ALDH1A2: variants seen among roughly 807,000 people sequenced by gnomAD.
The protein encoded by ALDH1A2 is aldehyde dehydrogenase 1 family member A2.
A neutral mutation model predicts 60.3 loss-of-function variants in ALDH1A2; 27 were observed. The observed-to-expected ratio is 0.45, with a 90% confidence interval of 0.33 to 0.62. ALDH1A2 has a LOEUF of 0.62. ALDH1A2 is among the 20% of genes least tolerant of loss of function. ALDH1A2 has a pLI of 0.02. For synonymous variants in ALDH1A2, 289 were observed against 232.4 expected, an observed-to-expected ratio of 1.24 and a Z score of -2.21; for missense variants, 581 against 643.8, an observed-to-expected ratio of 0.90 and a Z score of 1.06.
intron 4 of ALDH1A2, among the ~76,000 whole-genome samples, chr15:58,002,365 A>G (rs1390155331): frequency 6.6e-6 from 1 of 151,962 alleles, no homozygotes; most frequent in Non-Finnish European, 1.5e-5. Flanking sequence ...ATCAAACTAC[A>G]CAGAAGAGAG....
At position 58,025,291 on chromosome 15, in the gene ALDH1A2, G is replaced by A. The variant is rs149876920; in HGVS notation, c.118-11010C>T. 3.2e-3 allele frequency among the ~76,000 whole-genome samples: 485 copies of A among 152,114 alleles called. 6 individuals carry two copies. The highest frequency in any genetic ancestry group is 0.011 in the African/African-American group (454 of 41,524). The stretch of plus-strand genomic sequence containing the variant: ...AACAAAATCGATAAACTGCTACCTA[G>A]ACTAACCTAAAAAGGAGAAGAATCA... On this transcript the variant is annotated intron_variant, in intron 1 of 12. Coordinates refer to ENST00000249750, the MANE Select transcript of ALDH1A2 (RefSeq NM_003888.4).
intron 1 of ALDH1A2, among the ~76,000 whole-genome samples, chr15:58,040,822 T>C (rs1258517015): frequency 2.0e-5 from 3 of 151,922 alleles, no homozygotes; most frequent in Non-Finnish European, 4.4e-5. Context: ...CTCTAGACAC[T>C]TTTTACACAT....
Position 58,062,119 on chromosome 15 carries a change from T to C in ALDH1A2, c.117+3415A>G, listed in dbSNP as rs532726936. On this transcript the variant is annotated intron_variant, in intron 1 of 12. Transcript: ENST00000249750. Reference sequence around the variant, plus strand: ...ATGCACATTAGCTCTGAGTTTTAAGTTGATTGCCTTTTTGCCTCTTCTATT... The same window carrying C: ...ATGCACATTAGCTCTGAGTTTTAAGCTGATTGCCTTTTTGCCTCTTCTATT... 2.0e-5 allele frequency among the ~76,000 whole-genome samples: 3 copies of C among 152,300 alleles called. No homozygotes were observed. In the South Asian group the frequency reaches 6.2e-4, roughly 32 times the overall value.
At chr15:58,060,960 C>G (rs996763769) in intron 1 of ALDH1A2, among the ~76,000 whole-genome samples, 1 of 152,196 alleles carries the variant, frequency 6.6e-6, no homozygotes, top group Non-Finnish European at 1.5e-5. Flanking sequence ...ATTGATGCAA[C>G]AGAGAACTAA....
At chr15:58,031,326 C>T (rs1299833975) in intron 1 of ALDH1A2, among the ~76,000 whole-genome samples, 2 of 152,198 alleles carry the variant, frequency 1.3e-5, no homozygotes, top group Non-Finnish European at 2.9e-5. Context: ...AGAAAGCTGA[C>T]ACTGGATCCC....
intron 1 of ALDH1A2, among the ~76,000 whole-genome samples, chr15:58,022,372 G>T (rs1054080164): frequency 6.6e-6 from 1 of 152,078 alleles, no homozygotes; most frequent in Non-Finnish European, 1.5e-5. Flanking sequence ...CTGGAGACTT[G>T]CCTGTCCAGC....
At chr15:58,023,911 T>G (rs1566952338) in intron 1 of ALDH1A2, among the ~76,000 whole-genome samples, 1 of 152,048 alleles carries the variant, frequency 6.6e-6, no homozygotes, top group Non-Finnish European at 1.5e-5. Flanking sequence ...GACCAAATCA[T>G]GGAGAAACCT....
At chr15:57,999,274 A>C (rs1248736935) in intron 4 of ALDH1A2, among the ~76,000 whole-genome samples, 1 of 152,180 alleles carries the variant, frequency 6.6e-6, no homozygotes, top group Non-Finnish European at 1.5e-5. Flanking sequence ...GAATGGGAGA[A>C]ATTTTTTGCA....
At chr15:58,035,147 T>C (rs569423784) in intron 1 of ALDH1A2, among the ~76,000 whole-genome samples, 15 of 151,762 alleles carry the variant, frequency 9.9e-5, no homozygotes, top group Non-Finnish European at 1.5e-4. Flanking sequence ...GATACAGGCC[T>C]ATTCATACAT....
chr15:58,064,458 A>G (rs1375356360), intron 1 of ALDH1A2, among the ~76,000 whole-genome samples: 4 of 152,240 alleles, frequency 2.6e-5, no homozygotes, highest in African/African-American at 9.6e-5. Flanking sequence ...CCACTAAGCC[A>G]GATGCAAACA....
chr15:57,959,544 G>A (rs1372833208), intron 12 of ALDH1A2, among the ~76,000 whole-genome samples: 1 of 152,142 alleles, frequency 6.6e-6, no homozygotes, highest in Non-Finnish European at 1.5e-5. Flanking sequence ...TCTGCTTGAT[G>A]AATAATGATG....
rs34106478 is a variant in ALDH1A2, at chr15:57,956,107, T to C, written c.1485-838A>G. Among the ~76,000 whole-genome samples the C allele has an allele frequency of 2.4e-4, 37 of 152,122 alleles. No individual in the cohort carries two copies. The East Asian group carries it at 6.8e-3, about 28-fold the overall frequency. ...GAATATCTCTGTCTTCCCTACTGAG[T>C]TGTATCCTACTGATTTTTCTTTTTG... is the stretch of plus-strand genomic sequence containing the variant. On this transcript the variant is annotated intron_variant, in intron 12 of 12. Transcript: ENST00000249750.
chr15:58,041,309 G>A (rs1454061109), intron 1 of ALDH1A2, among the ~76,000 whole-genome samples: 1 of 151,898 alleles, frequency 6.6e-6, no homozygotes, highest in Non-Finnish European at 1.5e-5. Context: ...AGATTGGAGT[G>A]AAAACCTGTG....
rs774634541 is a variant in ALDH1A2 at position 58,014,165 on chromosome 15, CA to C, written c.222+11del. Reference sequence around the variant, plus strand: ...TATTTCATAGGAAATCTTTTATCTACAAAAGACATACCTTGTCTGCTTCTTG... The same window carrying C: ...TATTTCATAGGAAATCTTTTATCTACAAAGACATACCTTGTCTGCTTCTTG... On this transcript the variant is annotated intron_variant, in intron 2 of 12. Coordinates refer to ENST00000249750, the MANE Select transcript of ALDH1A2 (RefSeq NM_003888.4). 2 of 1,613,914 alleles carry C rather than the reference CA, an allele frequency of 1.2e-6. No homozygotes were observed. Among genetic ancestry groups the C allele is most frequent in the Admixed American group, 3.3e-5 (2 of 60,010 alleles).
intron 1 of ALDH1A2, among the ~76,000 whole-genome samples, chr15:58,026,753 G>C (rs896993046): frequency 1.3e-5 from 2 of 152,200 alleles, no homozygotes; most frequent in Non-Finnish European, 2.9e-5. Flanking sequence ...TGCCCACGGA[G>C]CCTTGCTCAC....
intron 1 of ALDH1A2, among the ~76,000 whole-genome samples, chr15:58,039,933 G>C (rs1165173165): frequency 6.6e-6 from 1 of 151,754 alleles, no homozygotes; most frequent in East Asian, 1.9e-4. Flanking sequence ...GGCATTGGAA[G>C]ATATAAAAAA....
chr15:58,016,368 C>G (rs1403570690), intron 1 of ALDH1A2, among the ~76,000 whole-genome samples: 7 of 151,812 alleles, frequency 4.6e-5, no homozygotes, highest in Non-Finnish European at 8.8e-5. Context: ...GGTCATGAAC[C>G]CCTGACCTCA....
At chr15:58,038,109 A>G (rs570417916) in intron 1 of ALDH1A2, among the ~76,000 whole-genome samples, 2 of 151,252 alleles carry the variant, frequency 1.3e-5, no homozygotes, top group Non-Finnish European at 3.0e-5. Context: ...GTCTCTTCCT[A>G]CTAACACCCT....
At chr15:57,998,850 G>C (rs1320924214) in intron 4 of ALDH1A2, among the ~76,000 whole-genome samples, 5 of 151,972 alleles carry the variant, frequency 3.3e-5, no homozygotes, top group African/African-American at 1.2e-4. Context: ...TACAAAAACA[G>C]ACACACAGAC....
Sources: allele counts gnomAD v4.1 joint callset (sites outside exome capture counted in the v4.1 genomes callset), GRCh38; gene constraint gnomAD v4.1.1; transcripts MANE v1.5; gene names NCBI Gene and HGNC (gene_info 2026-07-23, HGNC 2026-07-21).